The following BCL2A1 variants were observed in gnomAD, a reference collection of about 807,000 sequenced individuals.
The protein encoded by BCL2A1 is bcl-2-related protein A1.
A neutral mutation model predicts 14.4 loss-of-function variants in BCL2A1; 10 were observed. The ratio of observed to expected loss-of-function variants is 0.69; its 90% confidence interval spans 0.43 to 1.18. The LOEUF is 1.18. Among genes scored for constraint, BCL2A1 ranks in the 50% most tolerant of loss-of-function variants. The probability of loss-of-function intolerance (pLI) is 0.00; values close to 1 mark genes in which losing one functional copy is unlikely to be tolerated. For missense variants in BCL2A1, 158 were observed against 205.0 expected, an observed-to-expected ratio of 0.77 and a Z score of 1.40; for synonymous variants, 71 against 76.5, an observed-to-expected ratio of 0.93 and a Z score of 0.38.
intron 1 of BCL2A1, among the ~76,000 whole-genome samples, chr15:79,969,521 G>A (rs1481380397): frequency 3.9e-5 from 6 of 152,010 alleles, no homozygotes; most frequent in African/African-American, 1.4e-4. Flanking sequence ...AATATACACA[G>A]CACTCTTAAT....
At chr15:79,962,881 T>C (rs1334335341) in intron 1 of BCL2A1, among the ~76,000 whole-genome samples, 1 of 151,944 alleles carries the variant, frequency 6.6e-6, no homozygotes, top group Non-Finnish European at 1.5e-5. Flanking sequence ...CATTGTCTAT[T>C]ATCATTGAGC....
chr15:79,961,034 G>C lies in BCL2A1; in HGVS notation c.*33C>G, dbSNP rs200607689. On this transcript the variant is annotated 3_prime_UTR_variant, in exon 2 of 2. Coordinates refer to ENST00000267953, the MANE Select transcript of BCL2A1 (RefSeq NM_004049.4). The stretch of plus-strand genomic sequence containing the variant: ...GTTTCCATATCAGTCAGAAAAATTA[G>C]GCCGGTTTCACAATATGGAGTGTCC... The C allele has an allele frequency of 1.3e-5, 21 of 1,611,088 alleles. No homozygotes were observed. The highest frequency in any genetic ancestry group is 5.3e-5 in the African/African-American group (4 of 74,986).
At chr15:79,965,210 C>T (rs1417439052) in intron 1 of BCL2A1, among the ~76,000 whole-genome samples, 1 of 152,192 alleles carries the variant, frequency 6.6e-6, no homozygotes, top group Non-Finnish European at 1.5e-5. Flanking sequence ...TCACTGCAAC[C>T]TCCGCCTCCT....
chr15:79,969,550 T>C (rs2035575469), intron 1 of BCL2A1, among the ~76,000 whole-genome samples: 1 of 152,144 alleles, frequency 6.6e-6, no homozygotes, highest in African/African-American at 2.4e-5. Flanking sequence ...TTTAAATAAT[T>C]CTGGGTAAAA....
rs780113902 is a variant in BCL2A1 at position 79,970,683 on chromosome 15, T to A, written c.420+17A>T. The stretch of plus-strand genomic sequence containing the variant: ...TTCACAGGAAAGAACAATGAAGAAT[T>A]TTTCCATCACACATACCCAGCCTCC... On this transcript the variant is annotated intron_variant, in intron 1 of 1. Coordinates refer to ENST00000267953, the MANE Select transcript of BCL2A1 (RefSeq NM_004049.4). The A allele has an allele frequency of 6.4e-7, 1 of 1,566,620 alleles. No homozygotes were observed. The highest frequency in any genetic ancestry group is 8.7e-7 in the Non-Finnish European group (1 of 1,154,660).
intron 1 of BCL2A1, among the ~76,000 whole-genome samples, chr15:79,969,602 T>C (rs953522694): frequency 6.6e-6 from 1 of 152,196 alleles, no homozygotes; most frequent in African/African-American, 2.4e-5. Flanking sequence ...TTTTTACATA[T>C]ACACATGTAA....
intron 1 of BCL2A1, chr15:79,967,613 TG>T: frequency 6.3e-7 from 1 of 1,593,736 alleles, no homozygotes; most frequent in Non-Finnish European, 8.6e-7. Flanking sequence ...TTGATAAAGC[TG>T]TAAGTGCCTT....
In BCL2A1 at chr15:79,970,987, G is replaced by T. The variant is rs1486894546; in HGVS notation, c.133C>A (p.Gln45Lys). 6.2e-7 allele frequency: 1 copy of T among 1,614,172 alleles called. No homozygotes were observed. The highest frequency in any genetic ancestry group is 1.3e-5 in the African/African-American group (1 of 75,030). The change falls in exon 1 of 2, where the codon CAA becomes AAA. Residue 45 changes from glutamine to lysine, a missense_variant. Physicochemically the swap from Gln to Lys is moderately conservative, Grantham distance 53. Transcript: ENST00000267953. The stretch of plus-strand genomic sequence containing the variant: ...TTCAGATTCTTTTCCACTTCTTTTT[G>T]GACTGAGAACGCAACATTTTGTAGC... ...RVLQNVAFSVQKEVEKNLKSC... is the reference protein window; with the variant it reads ...RVLQNVAFSVKKEVEKNLKSC...
chr15:79,965,288 C>T lies in BCL2A1; in HGVS notation c.421-4114G>A, dbSNP rs560498064. 7.9e-5 allele frequency among the ~76,000 whole-genome samples: 12 copies of T among 152,188 alleles called. No individual in the cohort carries two copies. The South Asian group carries it at 2.1e-3, about 26-fold the overall frequency. The stretch of plus-strand genomic sequence containing the variant: ...GATTACAGGCATGCGCCACCACGCC[C>T]AGCTAATTTTTTGTATTTTTAGTAG... On this transcript the variant is annotated intron_variant, in intron 1 of 1. Transcript: ENST00000267953.
At chr15:79,967,220 G>GC (rs1249360044) in intron 1 of BCL2A1, among the ~76,000 whole-genome samples, 1 of 132,684 alleles carries the variant, frequency 7.5e-6, no homozygotes. Flanking sequence ...CTCACATACC[G>GC]CTTTTTTTTT....
chr15:79,966,001 A>G (rs1209270483), intron 1 of BCL2A1, among the ~76,000 whole-genome samples: 1 of 151,718 alleles, frequency 6.6e-6, no homozygotes. Flanking sequence ...ACCTAACTGT[A>G]TGACCCAACC....
chr15:79,961,193 A>C lies in BCL2A1; in HGVS notation c.421-19T>G. 1 of 1,595,870 alleles carries C rather than the reference A, an allele frequency of 6.3e-7. No individual in the cohort carries two copies. Among genetic ancestry groups the C allele is most frequent in the African/African-American group, 1.3e-5 (1 of 74,412 alleles). On this transcript the variant is annotated intron_variant, in intron 1 of 1. Coordinates refer to ENST00000267953, the MANE Select transcript of BCL2A1 (RefSeq NM_004049.4). ...CATTTTCCTATAAAAGAATAAATTT[A>C]ACACTTTAAACATCATTGGAGATTA...
At chr15:79,966,244 T>C (rs1207952445) in intron 1 of BCL2A1, among the ~76,000 whole-genome samples, 1 of 152,126 alleles carries the variant, frequency 6.6e-6, no homozygotes, top group Non-Finnish European at 1.5e-5. Flanking sequence ...TAAATTATCA[T>C]ATGTCATGTC....
chr15:79,962,736 C>T (rs567510130), intron 1 of BCL2A1, among the ~76,000 whole-genome samples: 46 of 151,890 alleles, frequency 3.0e-4, no homozygotes, highest in African/African-American at 1.0e-3. Context: ...TTAGTAGAGA[C>T]GGGGTTTCAC....
At chr15:79,966,987 T>C (rs578019047) in intron 1 of BCL2A1, among the ~76,000 whole-genome samples, 1 of 152,310 alleles carries the variant, frequency 6.6e-6, no homozygotes, top group Non-Finnish European at 1.5e-5. Context: ...TGAGTACTCA[T>C]TTTCAGGAAT....
intron 1 of BCL2A1, chr15:79,967,818 CA>C (rs745685117): frequency 7.1e-5 from 45 of 634,178 alleles, no homozygotes; most frequent in Non-Finnish European, 1.2e-4. Flanking sequence ...CTATCGTTGA[CA>C]GAATCAATGT....
At chr15:79,969,947 A>C (rs1349380094) in intron 1 of BCL2A1, among the ~76,000 whole-genome samples, 2 of 152,160 alleles carry the variant, frequency 1.3e-5, no homozygotes, top group Non-Finnish European at 2.9e-5. Context: ...AGGAAACCAT[A>C]TACATCCAGC....
chr15:79,969,477 T>C (rs1371825950), intron 1 of BCL2A1, among the ~76,000 whole-genome samples: 1 of 152,174 alleles, frequency 6.6e-6, no homozygotes, highest in Non-Finnish European at 1.5e-5. Context: ...CAGCTAGAAA[T>C]GGCCAGGTAC....
At chr15:79,963,064 C>T (rs563857731) in intron 1 of BCL2A1, among the ~76,000 whole-genome samples, 1 of 152,266 alleles carries the variant, frequency 6.6e-6, no homozygotes, top group East Asian at 1.9e-4. Flanking sequence ...TGGCCGCAAC[C>T]TCTGCCTCCT....
Sources: gnomAD v4.1 joint callset for allele counts (sites outside exome capture counted in the v4.1 genomes callset) on GRCh38, gnomAD v4.1.1 for gene constraint, MANE v1.5 for transcripts, NCBI Gene and HGNC (gene_info 2026-07-23, HGNC 2026-07-21) for gene names.